Variants in PDSS2 observed in about 807,000 individuals in gnomAD.
The protein encoded by PDSS2 is decaprenyl diphosphate synthase subunit 2.
PDSS2 carries 31 observed loss-of-function variants against 44.5 expected under a neutral mutation model. The observed-to-expected ratio is 0.70, with a 90% CI of 0.52 to 0.94. The LOEUF (loss-of-function observed/expected upper bound fraction) is 0.94, where lower values mean the gene tolerates loss of function less well. Ranked by LOEUF, PDSS2 falls within the 40% of genes least tolerant of loss-of-function variation. The pLI is 0.00. For missense variants in PDSS2, 452 were observed against 482.2 expected, an observed-to-expected ratio of 0.94 and a Z score of 0.59; for synonymous variants, 157 against 180.3, an observed-to-expected ratio of 0.87 and a Z score of 1.03.
chr6:107,407,964 G>A (rs1242984472), intron 1 of PDSS2, among the ~76,000 whole-genome samples: 6 of 152,090 alleles, frequency 3.9e-5, no homozygotes, highest in East Asian at 1.9e-4. Context: ...CTCCCAAAGC[G>A]CTGGGATTAC....
chr6:107,259,227 T>C (rs1279853375), intron 3 of PDSS2, among the ~76,000 whole-genome samples: 1 of 152,222 alleles, frequency 6.6e-6, no homozygotes, highest in East Asian at 1.9e-4. Context: ...AAGTTTCTAA[T>C]TTCAGTGATA....
intron 5 of PDSS2, 97 bp from the exon 6 acceptor site, chr6:107,210,667 G>A: frequency 1.2e-6 from 1 of 810,424 alleles, no homozygotes; most frequent in Middle Eastern, 3.5e-4. Flanking sequence ...AGTGAAATAT[G>A]AAGCTTAAGG....
chr6:107,340,757 G>A (rs1778054823), intron 1 of PDSS2, among the ~76,000 whole-genome samples: 1 of 152,216 alleles, frequency 6.6e-6, no homozygotes, highest in Admixed American at 6.5e-5. Flanking sequence ...TAGGAGACGG[G>A]ACTGGAATGG....
intron 1 of PDSS2, among the ~76,000 whole-genome samples, chr6:107,407,324 T>C (rs527891139): frequency 2.9e-4 from 44 of 152,316 alleles, no homozygotes; most frequent in Non-Finnish European, 4.6e-4. Context: ...CTGTTTCTAT[T>C]TGTGATCATA....
chr6:107,262,709 T>G (rs1022257652), intron 3 of PDSS2, among the ~76,000 whole-genome samples: 9 of 151,826 alleles, frequency 5.9e-5, no homozygotes, highest in Non-Finnish European at 1.2e-4. Flanking sequence ...GAGGCAGAGG[T>G]TGCAGTGAGC....
Position 107,222,452 on chromosome 6 carries a change from C to T in PDSS2, c.703-10170G>A, listed in dbSNP as rs1391801283. Among the ~76,000 whole-genome samples, 4 of 151,962 alleles carry T rather than the reference C, an allele frequency of 2.6e-5. No homozygotes were observed. The Middle Eastern group carries it at 0.01, about 388-fold the overall frequency. On this transcript the variant is annotated intron_variant, in intron 4 of 7. Transcript: ENST00000369037. ...GGTGGATCACTTGATGTCAGGAGCT[C>T]GAGACCATCCTGGCCAAAATGGTGA...
At chr6:107,174,456 A>C (rs1323373834) in intron 7 of PDSS2, among the ~76,000 whole-genome samples, 1 of 152,198 alleles carries the variant, frequency 6.6e-6, no homozygotes, top group Non-Finnish European at 1.5e-5. Context: ...TGTAGGAGAA[A>C]ATATGACTGA....
chr6:107,232,126 TAGAGTAATAACTAAAAC>T (rs998691638), intron 4 of PDSS2, among the ~76,000 whole-genome samples: 8 of 152,340 alleles, frequency 5.3e-5, no homozygotes, highest in Admixed American at 2.6e-4. Flanking sequence ...TGAGCAGTCC[TAGAGTAATAACTAAAAC>T]AGAGTAATAA....
chr6:107,358,819 T>C (rs1016464776), intron 1 of PDSS2, among the ~76,000 whole-genome samples: 1 of 152,056 alleles, frequency 6.6e-6, no homozygotes, highest in African/African-American at 2.4e-5. Context: ...TAGATGCCAA[T>C]AGCACCCCCA....
chr6:107,418,119 T>A (rs1045630929), intron 1 of PDSS2, among the ~76,000 whole-genome samples: 2 of 152,130 alleles, frequency 1.3e-5, no homozygotes, highest in Non-Finnish European at 2.9e-5. Flanking sequence ...GACATCCCCA[T>A]CCTCAACCCC....
chr6:107,227,232 C>T (rs1252640519), intron 4 of PDSS2, among the ~76,000 whole-genome samples: 1 of 149,716 alleles, frequency 6.7e-6, no homozygotes, highest in Non-Finnish European at 1.5e-5. Flanking sequence ...ATCTGCCGGC[C>T]CTGGCCTCCC....
chr6:107,286,139 A>AAT (rs56177668), intron 2 of PDSS2, among the ~76,000 whole-genome samples: 120 of 149,794 alleles, frequency 8.0e-4, no homozygotes, highest in East Asian at 1.6e-3. Flanking sequence ...CGCAAAATAA[A>AAT]AAAAAAAAAA....
Position 107,291,391 on chromosome 6 carries a change from A to C in PDSS2, c.432-17164T>G, listed in dbSNP as rs1776340866. 2.0e-5 allele frequency among the ~76,000 whole-genome samples: 3 copies of C among 149,392 alleles called. No homozygotes were observed. The South Asian group carries it at 6.3e-4, about 31-fold the overall frequency. On this transcript the variant is annotated intron_variant, in intron 2 of 7. Transcript: ENST00000369037. ...GAGACAGGGTCTCACTCTATCACCC[A>C]GGCTGGAGTACAGTAGTGTTATTGT...
At chr6:107,268,048 C>T (rs1190136921) in intron 3 of PDSS2, among the ~76,000 whole-genome samples, 2 of 152,142 alleles carry the variant, frequency 1.3e-5, no homozygotes, top group Non-Finnish European at 2.9e-5. Context: ...GCCAAAAATG[C>T]AAACACATGA....
chr6:107,329,283 G>A (rs1777641921), intron 2 of PDSS2, among the ~76,000 whole-genome samples: 1 of 152,196 alleles, frequency 6.6e-6, no homozygotes, highest in Non-Finnish European at 1.5e-5. Flanking sequence ...CTGAGGTGCG[G>A]CTAGCAGGTG....
chr6:107,249,852 C>T (rs985246987), intron 3 of PDSS2, among the ~76,000 whole-genome samples: 4 of 152,106 alleles, frequency 2.6e-5, no homozygotes, highest in South Asian at 4.2e-4. Context: ...CAATAACCAC[C>T]GTCTCACCCA....
At chr6:107,270,220 T>C (rs1455510878) in intron 3 of PDSS2, among the ~76,000 whole-genome samples, 1 of 152,090 alleles carries the variant, frequency 6.6e-6, no homozygotes, top group Non-Finnish European at 1.5e-5. Flanking sequence ...GCGATTCTCG[T>C]GCCTCAGCCT....
chr6:107,328,127 T>G (rs1443267347), intron 2 of PDSS2, among the ~76,000 whole-genome samples: 1 of 152,170 alleles, frequency 6.6e-6, no homozygotes, highest in Non-Finnish European at 1.5e-5. Context: ...ATAAAGACCA[T>G]GAAGCAGCAT....
At chr6:107,364,822 T>C (rs980962517) in intron 1 of PDSS2, among the ~76,000 whole-genome samples, 3 of 152,122 alleles carry the variant, frequency 2.0e-5, no homozygotes, top group African/African-American at 4.8e-5. Context: ...ATCCTGAAAG[T>C]AGCAAGAGAA....
Sources: gnomAD v4.1 joint callset for allele counts (sites outside exome capture counted in the v4.1 genomes callset) on GRCh38, gnomAD v4.1.1 for gene constraint, MANE v1.5 for transcripts, NCBI Gene and HGNC (gene_info 2026-07-23, HGNC 2026-07-21) for gene names.